The following RPA3 variants were observed in gnomAD, a reference collection of about 807,000 sequenced individuals.
The protein encoded by RPA3 is replication protein A 14 kDa subunit.
In RPA3, 24 loss-of-function variants were observed where a neutral mutation model predicts 13.7. The observed-to-expected ratio is 1.75, with a 90% CI of 1.27 to 2.46. The LOEUF (loss-of-function observed/expected upper bound fraction) is 2.46, where lower values mean the gene tolerates loss of function less well. Ranked by LOEUF, RPA3 falls within the 30% of genes most tolerant of loss-of-function variation. The pLI, the probability that RPA3 is intolerant of heterozygous loss-of-function variation, is 0.00. For missense variants in RPA3, 183 were observed against 151.0 expected (o/e 1.21, Z -1.11); for synonymous variants, 59 against 51.2 (o/e 1.15, Z -0.65).
At chr7:7,685,657 A>T (rs555621213) in intron 4 of RPA3, among the ~76,000 whole-genome samples, 173 bp downstream of exon 4, 1 of 152,156 alleles carries the variant, frequency 6.6e-6, no homozygotes, top group Non-Finnish European at 1.5e-5. Flanking sequence ...GTGTTGGCCC[A>T]CTTGGTTTCT....
At chr7:7,673,397 C>T (rs994172235) in intron 4 of RPA3, 14 of 1,178,112 alleles carry the variant, frequency 1.2e-5, no homozygotes, top group Admixed American at 5.9e-5. Context: ...AGAAAGCCTC[C>T]GGAATCTAAA....
At chr7:7,680,456 T>C (rs989635103) in intron 4 of RPA3, among the ~76,000 whole-genome samples, 19 of 152,208 alleles carry the variant, frequency 1.2e-4, no homozygotes, top group African/African-American at 4.3e-4. Context: ...TTAGTATAAT[T>C]TGAAGTCAGG....
intron 4 of RPA3, among the ~76,000 whole-genome samples, chr7:7,653,385 C>T (rs1019475487): frequency 6.6e-6 from 1 of 152,150 alleles, no homozygotes; most frequent in African/African-American, 2.4e-5. Context: ...ATTCTTAGTG[C>T]AGTTTGTTTA....
At chr7:7,639,947 G>A (rs568124457) in intron 5 of RPA3, 1 of 245,964 alleles carries the variant, frequency 4.1e-6, no homozygotes, top group South Asian at 4.2e-5. Context: ...GCAAAAATAA[G>A]TAATTTCAGA....
intron 4 of RPA3, among the ~76,000 whole-genome samples, chr7:7,646,144 G>C (rs963434312): frequency 6.6e-6 from 1 of 152,222 alleles, no homozygotes; most frequent in African/African-American, 2.4e-5. Flanking sequence ...GCTCAGTAGA[G>C]TCAGTGTGAC....
intron 2 of RPA3, among the ~76,000 whole-genome samples, chr7:7,703,957 A>T (rs1054437841): frequency 1.3e-5 from 2 of 152,092 alleles, no homozygotes; most frequent in Non-Finnish European, 2.9e-5. Context: ...GAAAGAAAGA[A>T]GGAAGGAAGG....
chr7:7,701,073 A>C (rs1780450373), intron 2 of RPA3, among the ~76,000 whole-genome samples: 1 of 152,164 alleles, frequency 6.6e-6, no homozygotes, highest in South Asian at 2.1e-4. Flanking sequence ...AAAGTCATAC[A>C]AGTATAATTC....
chr7:7,686,863 A>G (rs1780053147), intron 3 of RPA3, among the ~76,000 whole-genome samples: 1 of 152,182 alleles, frequency 6.6e-6, no homozygotes, highest in Middle Eastern at 3.2e-3. Context: ...TTAAAAACAC[A>G]CTGCTGTGTA....
intron 4 of RPA3, among the ~76,000 whole-genome samples, chr7:7,684,235 C>T (rs563945971): frequency 6.6e-6 from 1 of 151,734 alleles, no homozygotes; most frequent in Admixed American, 6.6e-5. Context: ...CAGTGTCTCA[C>T]TCCATCACCC....
intron 2 of RPA3, among the ~76,000 whole-genome samples, chr7:7,695,896 A>C (rs562007572): frequency 2.0e-5 from 3 of 151,426 alleles, no homozygotes; most frequent in African/African-American, 7.3e-5. Context: ...TTAGTATCCA[A>C]CCATGGCAGG....
chr7:7,672,008 TG>T (rs1779617814), intron 4 of RPA3, among the ~76,000 whole-genome samples: 1 of 152,220 alleles, frequency 6.6e-6, no homozygotes, highest in African/African-American at 2.4e-5. Context: ...TCACTTATGT[TG>T]GGGTTCATAT....
intron 4 of RPA3, among the ~76,000 whole-genome samples, chr7:7,646,868 A>G (rs1264860482): frequency 1.3e-5 from 2 of 152,032 alleles, no homozygotes; most frequent in South Asian, 2.1e-4. Context: ...TGGGGTTTAT[A>G]TGGGCACAGA....
In RPA3 at chr7:7,677,819, G is replaced by A. The variant is rs1162146374; in HGVS notation, c.-758+8011C>T. 7.4e-4 allele frequency among the ~76,000 whole-genome samples: 110 copies of A among 149,466 alleles called. 1 individual carries two copies. Among genetic ancestry groups the A allele is most frequent in the Middle Eastern group, 3.4e-3 (1 of 290 alleles). On this transcript the variant is annotated intron_variant, in intron 4 of 7. Transcript: ENST00000223129. ...CTCCCAAGTAGCTGGGACTACAGGC[G>A]CCCGCCACTACGCCCGGCTAATTTT...
chr7:7,659,061 C>G (rs562612712), intron 4 of RPA3, among the ~76,000 whole-genome samples: 1 of 152,282 alleles, frequency 6.6e-6, no homozygotes, highest in East Asian at 1.9e-4. Context: ...GGAATTTATC[C>G]ATTTCTTCTA....
chr7:7,704,531 G>A (rs1269539523), intron 2 of RPA3, among the ~76,000 whole-genome samples: 4 of 150,102 alleles, frequency 2.7e-5, no homozygotes, highest in Admixed American at 1.3e-4. Flanking sequence ...CGAGGTGGGC[G>A]GATCACAAAG....
intron 4 of RPA3, among the ~76,000 whole-genome samples, chr7:7,658,623 G>A (rs1785401687): frequency 1.3e-5 from 2 of 152,176 alleles, no homozygotes; most frequent in Admixed American, 1.3e-4. Flanking sequence ...TTATTGATTT[G>A]TGTATGTTGA....
intron 4 of RPA3, among the ~76,000 whole-genome samples, chr7:7,684,910 G>T (rs778401425): frequency 5.3e-5 from 8 of 152,144 alleles, no homozygotes; most frequent in Non-Finnish European, 8.8e-5. Flanking sequence ...TACAACATCT[G>T]TAGGGAAAAC....
At chr7:7,673,350 AGCAGCAGC>A (rs1563108066) in intron 4 of RPA3, 3 of 1,280,660 alleles carry the variant, frequency 2.3e-6, no homozygotes, top group Non-Finnish European at 3.3e-6. Context: ...CAGCAGCAGC[AGCAGCAGC>A]AGCAGCAGCA....
At chr7:7,647,794 G>A (rs1051100446) in intron 4 of RPA3, among the ~76,000 whole-genome samples, 11 of 152,078 alleles carry the variant, frequency 7.2e-5, no homozygotes, top group Admixed American at 3.3e-4. Context: ...TTGTAGAGAC[G>A]GGTTCTTTCT....
Sources: allele counts gnomAD v4.1 joint callset (sites outside exome capture counted in the v4.1 genomes callset), GRCh38; gene constraint gnomAD v4.1.1; transcripts MANE v1.5; gene names NCBI Gene and HGNC (gene_info 2026-07-23, HGNC 2026-07-21).